LMNB1: variants seen among roughly 807,000 people sequenced by gnomAD.
The protein encoded by LMNB1 is lamin-B1.
Under a neutral mutation model 67.1 loss-of-function variants are expected in LMNB1, and 23 were observed. The ratio of observed to expected loss-of-function variants is 0.34; its 90% CI spans 0.25 to 0.49. LMNB1 has a LOEUF of 0.49. LMNB1 is among the 20% of genes least tolerant of loss of function. LMNB1 has a pLI of 0.99. For missense variants in LMNB1, 634 were observed against 746.5 expected, an observed-to-expected ratio of 0.85 and a Z score of 1.76; for synonymous variants, 281 against 282.9, an observed-to-expected ratio of 0.99 and a Z score of 0.07.
intron 1 of LMNB1, among the ~76,000 whole-genome samples, chr5:126,795,668 G>C (rs1306779839): frequency 6.6e-6 from 1 of 152,130 alleles, no homozygotes; most frequent in Non-Finnish European, 1.5e-5. Flanking sequence ...CTGTCGCCCA[G>C]GCTGGAGTGC....
At chr5:126,828,029 A>C (rs1752039102) in intron 9 of LMNB1, among the ~76,000 whole-genome samples, 1 of 152,164 alleles carries the variant, frequency 6.6e-6, no homozygotes, top group Non-Finnish European at 1.5e-5. Context: ...GGAAGCATTT[A>C]CTGGATGCAT....
chr5:126,793,092 A>G (rs796081790), intron 1 of LMNB1, among the ~76,000 whole-genome samples: 12 of 152,290 alleles, frequency 7.9e-5, no homozygotes, highest in African/African-American at 2.9e-4. Context: ...TGCCACTGCT[A>G]TTGCTTTAGG....
intron 1 of LMNB1, among the ~76,000 whole-genome samples, chr5:126,785,715 G>T (rs1750763910): frequency 7.1e-6 from 1 of 141,548 alleles, no homozygotes; most frequent in African/African-American, 2.6e-5. Context: ...TGGGCCTTAG[G>T]TTGGGCCCAA....
chr5:126,834,613 T>G (rs1402163200), intron 10 of LMNB1, among the ~76,000 whole-genome samples: 2 of 152,254 alleles, frequency 1.3e-5, no homozygotes, highest in African/African-American at 4.8e-5. Context: ...CCGGGCACGG[T>G]GGCTTACGCC....
intron 1 of LMNB1, among the ~76,000 whole-genome samples, chr5:126,779,492 T>C (rs921822556): frequency 2.0e-5 from 3 of 152,362 alleles, no homozygotes; most frequent in South Asian, 4.1e-4. Flanking sequence ...TAGATATCGT[T>C]GCTTGTAAGA....
intron 1 of LMNB1, among the ~76,000 whole-genome samples, chr5:126,796,920 C>T (rs1417769420): frequency 1.3e-5 from 2 of 151,844 alleles, no homozygotes; most frequent in Non-Finnish European, 2.9e-5. Context: ...TCCCGAGTAG[C>T]TGGGATTATA....
At chr5:126,822,959 C>T in intron 8 of LMNB1, 74 bp downstream of exon 8, 2 of 935,866 alleles carry the variant, frequency 2.1e-6, no homozygotes, top group South Asian at 1.5e-5. Context: ...AGTTTTTTGG[C>T]TAAAAGAGAA....
At chr5:126,800,988 T>TC (rs1411297875) in intron 1 of LMNB1, among the ~76,000 whole-genome samples, 1 of 98,894 alleles carries the variant, frequency 1.0e-5, no homozygotes, top group African/African-American at 3.6e-5. Context: ...TATAATTTTT[T>TC]TTTTTTTTTT....
chr5:126,828,687 TG>T (rs1752058987), intron 9 of LMNB1, among the ~76,000 whole-genome samples: 1 of 151,860 alleles, frequency 6.6e-6, no homozygotes, highest in Admixed American at 6.6e-5. Flanking sequence ...CTCAGCCTCC[TG>T]AGTAGCTGGA....
At chr5:126,800,970 TATATATATATAA>T (rs1386335114) in intron 1 of LMNB1, among the ~76,000 whole-genome samples, 3 of 82,544 alleles carry the variant, frequency 3.6e-5, no homozygotes, top group African/African-American at 8.3e-5. Context: ...TATATATATA[TATATATATATAA>T]TTTTTTTTTT....
At chr5:126,797,423 AAC>A (rs1751132746) in intron 1 of LMNB1, among the ~76,000 whole-genome samples, 1 of 152,190 alleles carries the variant, frequency 6.6e-6, no homozygotes, top group Non-Finnish European at 1.5e-5. Flanking sequence ...GCAGGTGGAT[AAC>A]ACAACAAATC....
intron 1 of LMNB1, among the ~76,000 whole-genome samples, chr5:126,784,070 GC>G (rs1750700346): frequency 7.5e-6 from 1 of 133,824 alleles, no homozygotes; most frequent in Non-Finnish European, 1.5e-5. Flanking sequence ...CGTTGCCCAG[GC>G]TGGAGTACAG....
intron 9 of LMNB1, among the ~76,000 whole-genome samples, chr5:126,830,788 ATGAGT>A (rs1181046353): frequency 6.6e-6 from 1 of 152,184 alleles, no homozygotes; most frequent in Non-Finnish European, 1.5e-5. Context: ...TCATTTTAAG[ATGAGT>A]TGAGAAAAGC....
intron 3 of LMNB1, among the ~76,000 whole-genome samples, chr5:126,806,069 C>T (rs147597513): frequency 0.017 from 2,547 of 152,320 alleles, 35 homozygotes; most frequent in South Asian, 0.061. Flanking sequence ...GTTCTCCTGC[C>T]TCAGCCTCCC....
Position 126,820,899 on chromosome 5 carries a change from T to C in LMNB1, c.1161-11T>C. On this transcript the variant is annotated splice_polypyrimidine_tract_variant and intron_variant, in intron 6 of 10. Transcript: ENST00000261366. ...GTTTTAAAAATGAATTGTTTTATTT[T>C]TCCCATATAGGTTGAAGCTGTCTCC... is the stretch of plus-strand genomic sequence containing the variant. The C allele has an allele frequency of 6.3e-7, 1 of 1,599,972 alleles. No individual in the cohort carries two copies. The highest frequency in any genetic ancestry group is 8.6e-7 in the Non-Finnish European group (1 of 1,167,606).
chr5:126,827,012 C>A (rs1267980521), intron 9 of LMNB1, among the ~76,000 whole-genome samples: 1 of 152,206 alleles, frequency 6.6e-6, no homozygotes, highest in African/African-American at 2.4e-5. Flanking sequence ...CTTGTTCTGA[C>A]ATGCTTACTG....
At chr5:126,787,458 C>T (rs1389038169) in intron 1 of LMNB1, among the ~76,000 whole-genome samples, 2 of 142,390 alleles carry the variant, frequency 1.4e-5, no homozygotes, top group Non-Finnish European at 3.0e-5. Context: ...TTATATATAA[C>T]ATATACTTTA....
At chr5:126,806,938 C>T (rs1751453996) in intron 3 of LMNB1, among the ~76,000 whole-genome samples, 1 of 152,110 alleles carries the variant, frequency 6.6e-6, no homozygotes, top group South Asian at 2.1e-4. Context: ...CACCCACGCC[C>T]TGCTAATTTT....
At chr5:126,794,369 T>C (rs1289112025) in intron 1 of LMNB1, among the ~76,000 whole-genome samples, 1 of 152,218 alleles carries the variant, frequency 6.6e-6, no homozygotes, top group Non-Finnish European at 1.5e-5. Context: ...GAGTGGCTGT[T>C]GGAGCAAATG....
Sources: gnomAD v4.1 joint callset for allele counts (sites outside exome capture counted in the v4.1 genomes callset) on GRCh38, gnomAD v4.1.1 for gene constraint, MANE v1.5 for transcripts, NCBI Gene and HGNC (gene_info 2026-07-23, HGNC 2026-07-21) for gene names.